GTF3C5: variants seen among roughly 807,000 people sequenced by gnomAD.
The protein encoded by GTF3C5 is general transcription factor 3C polypeptide 5.
In GTF3C5, 47 loss-of-function variants were observed where a neutral mutation model predicts 61.0. The ratio of observed to expected loss-of-function variants is 0.77; its 90% CI spans 0.61 to 0.98. The LOEUF is 0.98. Among genes scored for constraint, GTF3C5 ranks in the 50% least tolerant of loss-of-function variants. The pLI, the probability that GTF3C5 is intolerant of heterozygous loss-of-function variation, is 0.00. For synonymous variants in GTF3C5, 295 were observed against 275.4 expected (o/e 1.07, Z -0.71); for missense variants, 659 against 703.3 (o/e 0.94, Z 0.71).
At chr9:133,055,144 G>A in intron 8 of GTF3C5, 1 of 1,546,496 alleles carries the variant, frequency 6.5e-7, no homozygotes, top group Non-Finnish European at 8.7e-7. Context: ...TCGGAATTGG[G>A]CACACACAGG....
At position 133,052,067 on chromosome 9, in the gene GTF3C5, A is replaced by G; in HGVS notation, c.776A>G (p.Asp259Gly). The change falls in exon 5 of 11, where the codon GAC (aspartate) becomes GGC (glycine). Residue 259 changes from aspartate (D) to glycine (G), a missense_variant. Asp to Gly is a moderately conservative substitution (Grantham distance 94, BLOSUM62 -1). Transcript: ENST00000372097. ...KVEEELRKLF[D>G]IRPIWSRNAV... ...TGCCCTTGGCCTCCCCAGCTGTTTG[A>G]CATCCGTCCCATCTGGTCCCGAAAT... The G allele has an allele frequency of 6.3e-7, 1 of 1,592,132 alleles. No homozygotes were observed. The highest frequency in any genetic ancestry group is 8.6e-7 in the Non-Finnish European group (1 of 1,165,594).
At chr9:133,030,843 C>G (rs899078807), upstream of GTF3C5, 7 of 765,894 alleles carry the variant, frequency 9.1e-6, no homozygotes, top group Admixed American at 1.0e-4. Flanking sequence ...TGGGCCCTCC[C>G]ATGGGCCATT....
intron 4 of GTF3C5, 126 bp downstream of exon 4, chr9:133,051,104 C>A: frequency 1.6e-6 from 1 of 631,628 alleles, no homozygotes; most frequent in Non-Finnish European, 2.6e-6. Flanking sequence ...TTCCTTAGTG[C>A]ATGGGAACTT....
chr9:133,047,050 G>A (rs935473623), intron 3 of GTF3C5, among the ~76,000 whole-genome samples: 1 of 152,274 alleles, frequency 6.6e-6, no homozygotes, highest in African/African-American at 2.4e-5. Flanking sequence ...GGAGCGTCCA[G>A]TGAGCAACAT....
chr9:133,037,023 A>G (rs2118977460), intron 1 of GTF3C5, among the ~76,000 whole-genome samples: 1 of 152,210 alleles, frequency 6.6e-6, no homozygotes, highest in East Asian at 1.9e-4. Context: ...TGGAGCAGGC[A>G]TGTGTTTTGG....
intron 3 of GTF3C5, among the ~76,000 whole-genome samples, chr9:133,044,696 CGCCCAGT>C (rs375630313): frequency 6.6e-6 from 1 of 152,208 alleles, no homozygotes; most frequent in African/African-American, 2.4e-5. Flanking sequence ...CCCTGCCCAT[CGCCCAGT>C]GCCATCCTTC....
intron 1 of GTF3C5, among the ~76,000 whole-genome samples, chr9:133,033,069 A>G (rs1448486327): frequency 6.6e-6 from 1 of 152,182 alleles, no homozygotes; most frequent in African/African-American, 2.4e-5. Context: ...CATTCCTAGT[A>G]TAATTAACAA....
intron 1 of GTF3C5, among the ~76,000 whole-genome samples, chr9:133,031,759 T>C (rs930895036): frequency 6.6e-6 from 1 of 152,188 alleles, no homozygotes; most frequent in Non-Finnish European, 1.5e-5. Context: ...TTTCCCATAT[T>C]GGCTAGGGTT....
chr9:133,047,494 A>T lies in GTF3C5; in HGVS notation c.573-3289A>T, dbSNP rs546742493. 5.9e-5 allele frequency among the ~76,000 whole-genome samples: 9 copies of T among 151,922 alleles called. No homozygotes were observed. The South Asian group carries it at 1.5e-3, about 25-fold the overall frequency. Reference sequence around the variant, plus strand: ...GTAAGTGTATTGTACTCACTATAAGAGTTTGAAGCAGGGGGTGACATGATC... The same window carrying T: ...GTAAGTGTATTGTACTCACTATAAGTGTTTGAAGCAGGGGGTGACATGATC... On this transcript the variant is annotated intron_variant, in intron 3 of 10. Coordinates refer to ENST00000372097, the MANE Select transcript of GTF3C5 (RefSeq NM_012087.4).
intron 1 of GTF3C5, among the ~76,000 whole-genome samples, chr9:133,036,284 A>T (rs1191303796): frequency 6.6e-6 from 1 of 152,152 alleles, no homozygotes; most frequent in Non-Finnish European, 1.5e-5. Flanking sequence ...TCATCTCTCT[A>T]ATAGGATAGC....
intron 10 of GTF3C5, among the ~76,000 whole-genome samples, chr9:133,057,380 G>C (rs973355343): frequency 1.3e-5 from 2 of 152,190 alleles, no homozygotes; most frequent in Admixed American, 6.5e-5. Flanking sequence ...CACGAGGCTC[G>C]GGGGAGTTAT....
chr9:133,040,159 C>T lies in GTF3C5; in HGVS notation c.154-1928C>T, dbSNP rs186904677. 1.1e-3 allele frequency among the ~76,000 whole-genome samples: 175 copies of T among 152,300 alleles called. No individual in the cohort carries two copies. The South Asian group carries it at 0.014, about 12-fold the overall frequency. On this transcript the variant is annotated intron_variant, in intron 1 of 10. Coordinates refer to ENST00000372097, the MANE Select transcript of GTF3C5 (RefSeq NM_012087.4). ...TCACTCTTCTCATGTTTCTTGAGCA[C>T]CTCCCCTGTGCCAGGCCTACGTTTG...
chr9:133,043,279 G>A (rs114080658), intron 2 of GTF3C5, among the ~76,000 whole-genome samples: 2 of 152,084 alleles, frequency 1.3e-5, no homozygotes, highest in African/African-American at 2.4e-5. Flanking sequence ...ATTTTTCATC[G>A]AATTGAACCA....
chr9:133,056,155 G>T, intron 9 of GTF3C5, 61 bp downstream of exon 9: 2 of 1,432,128 alleles, frequency 1.4e-6, no homozygotes, highest in Admixed American at 1.7e-5. Flanking sequence ...GGACCAAAGC[G>T]GTCTCTGAAC....
At chr9:133,042,733 G>A (rs1173643947) in intron 2 of GTF3C5, among the ~76,000 whole-genome samples, 3 of 152,124 alleles carry the variant, frequency 2.0e-5, no homozygotes, top group Admixed American at 6.6e-5. Flanking sequence ...AACGTCCCTC[G>A]TGGAGCCCTC....
At position 133,057,962 on chromosome 9, in the gene GTF3C5, G is replaced by C; in HGVS notation, c.1542G>C (p.Glu514Asp). The C allele has an allele frequency of 6.2e-7, 1 of 1,613,982 alleles. No individual in the cohort carries two copies. The highest frequency in any genetic ancestry group is 8.5e-7 in the Non-Finnish European group (1 of 1,180,010). The change falls in exon 11 of 11, where the codon GAG becomes GAC. Residue 514 changes from glutamate to aspartate, a missense_variant. By Grantham distance (45) the Glu-to-Asp change is conservative. Transcript: ENST00000372097. ...SDGSENEMET[E>D]ILDYV ...GCAGTGAAAACGAAATGGAGACAGA[G>C]ATTCTGGACTACGTGTGACAGGGCC...
chr9:133,056,123 G>A (rs1040042669), intron 9 of GTF3C5, 29 bp downstream of exon 9: 1 of 1,592,142 alleles, frequency 6.3e-7, no homozygotes, highest in African/African-American at 1.3e-5. Context: ...CTGAGACACT[G>A]AGGGGGGCCC....
At chr9:133,031,279 G>A (rs1849724877) in intron 1 of GTF3C5, 115 bp downstream of exon 1, 1 of 842,834 alleles carries the variant, frequency 1.2e-6, no homozygotes, top group Non-Finnish European at 1.8e-6. Flanking sequence ...GCAGAAGGGT[G>A]CTGCTCGCTC....
At position 133,053,843 on chromosome 9, in the gene GTF3C5, C is replaced by T. The variant is rs1484389441; in HGVS notation, c.889C>T (p.Arg297Cys). 2.5e-6 allele frequency: 4 copies of T among 1,608,376 alleles called. No homozygotes were observed. The highest frequency in any genetic ancestry group is 2.2e-5 in the East Asian group (1 of 44,784). ...IAYYMITGPW[R>C]SLWIRFGYDP... ...TCTGTCCCAGATAACAGGCCCCTGG[C>T]GCAGCCTATGGATTCGATTTGGGTA... Residue 297 changes from arginine to cysteine, a missense_variant, in exon 6 of 11, where the codon CGC becomes TGC. Arg to Cys is a radical substitution (Grantham distance 180, BLOSUM62 -3). Transcript: ENST00000372097.
Sources: gnomAD v4.1 joint callset for allele counts (sites outside exome capture counted in the v4.1 genomes callset) on GRCh38, gnomAD v4.1.1 for gene constraint, MANE v1.5 for transcripts, NCBI Gene and HGNC (gene_info 2026-07-23, HGNC 2026-07-21) for gene names.